NLGN1: variants seen among roughly 807,000 people sequenced by gnomAD.
NLGN1 encodes the protein neuroligin-1.
In NLGN1, 12 loss-of-function variants were observed where a neutral mutation model predicts 65.5. The ratio of observed to expected loss-of-function variants is 0.18; its 90% confidence interval spans 0.12 to 0.30. NLGN1 has a LOEUF of 0.30. NLGN1 is among the 10% of genes least tolerant of loss of function. The probability of loss-of-function intolerance (pLI) is 1.00; values close to 1 mark genes in which losing one functional copy is unlikely to be tolerated. For missense variants in NLGN1, 750 were observed against 1,007.1 expected (o/e 0.74, Z 3.46); for synonymous variants, 350 against 359.5 (o/e 0.97, Z 0.30).
intron 4 of NLGN1, among the ~76,000 whole-genome samples, chr3:174,047,851 A>G (rs1168931509): frequency 2.0e-5 from 3 of 152,074 alleles, no homozygotes; most frequent in East Asian, 1.9e-4. Context: ...GACAAAGTTA[A>G]TGGATGAAAT....
chr3:173,615,076 C>T (rs1024377885), intron 3 of NLGN1, among the ~76,000 whole-genome samples: 5 of 151,918 alleles, frequency 3.3e-5, no homozygotes, highest in African/African-American at 4.8e-5. Flanking sequence ...TGGCCACCTC[C>T]GCAGTTTAGC....
At chr3:174,191,712 A>T (rs559093284) in intron 4 of NLGN1, among the ~76,000 whole-genome samples, 3 of 152,160 alleles carry the variant, frequency 2.0e-5, no homozygotes, top group Non-Finnish European at 4.4e-5. Context: ...ACGAATTGGG[A>T]TCATTAAGAA....
chr3:173,620,378 T>G (rs1753798837), intron 3 of NLGN1, among the ~76,000 whole-genome samples: 1 of 152,138 alleles, frequency 6.6e-6, no homozygotes. Context: ...GACTCTAAGA[T>G]GTCTTACTGT....
At chr3:173,553,583 A>G (rs1460849552) in intron 2 of NLGN1, among the ~76,000 whole-genome samples, 3 of 152,238 alleles carry the variant, frequency 2.0e-5, no homozygotes, top group African/African-American at 4.8e-5. Context: ...GAAAGACTAC[A>G]GAAAAATGAC....
intron 3 of NLGN1, among the ~76,000 whole-genome samples, chr3:173,780,224 G>A (rs1174795839): frequency 1.3e-5 from 2 of 152,118 alleles, no homozygotes; most frequent in African/African-American, 4.8e-5. Flanking sequence ...ATCTACAGTT[G>A]CTACTGCTGT....
At chr3:173,896,431 C>T (rs1056255255) in intron 4 of NLGN1, among the ~76,000 whole-genome samples, 63 of 152,094 alleles carry the variant, frequency 4.1e-4, no homozygotes, top group Non-Finnish European at 1.2e-4. Context: ...CTCTGAGCAC[C>T]CTGTTGTGCA....
intron 4 of NLGN1, among the ~76,000 whole-genome samples, chr3:173,958,394 G>A (rs535776499): frequency 6.6e-6 from 1 of 152,168 alleles, no homozygotes; most frequent in South Asian, 2.1e-4. Flanking sequence ...GTATCCTGAT[G>A]AGTGTTCAGC....
In NLGN1 at chr3:174,071,193, T is replaced by G. The variant is rs187435679; in HGVS notation, c.647-204122T>G. Among the ~76,000 whole-genome samples, 63 of 152,316 alleles carry G rather than the reference T, an allele frequency of 4.1e-4. 1 individual carries two copies. The highest frequency in any genetic ancestry group is 1.4e-3 in the African/African-American group (59 of 41,574). ...ACAGGGAAGTGAGGCAGCTTTTAGT[T>G]TTTTGACACTTTAGCATTTATTCAG... On this transcript the variant is annotated intron_variant, in intron 4 of 6. Coordinates refer to ENST00000457714, the Ensembl canonical transcript of NLGN1.
At chr3:173,726,015 T>C (rs1222697560) in intron 3 of NLGN1, among the ~76,000 whole-genome samples, 1 of 152,086 alleles carries the variant, frequency 6.6e-6, no homozygotes, top group Non-Finnish European at 1.5e-5. Context: ...GCTGGAGTCT[T>C]ATGTAACATA....
chr3:173,917,559 AAAAC>A (rs1469767527), intron 4 of NLGN1, among the ~76,000 whole-genome samples: 1 of 152,230 alleles, frequency 6.6e-6, no homozygotes, highest in African/African-American at 2.4e-5. Context: ...AGATTTTACT[AAAAC>A]AAGAGAAAAG....
At chr3:173,445,918 T>C (rs1720181342) in intron 2 of NLGN1, among the ~76,000 whole-genome samples, 2 of 152,196 alleles carry the variant, frequency 1.3e-5, no homozygotes, top group South Asian at 4.1e-4. Flanking sequence ...TTTTCAAAAC[T>C]TCTCCACCTC....
At chr3:173,929,387 A>G (rs1743619845) in intron 4 of NLGN1, among the ~76,000 whole-genome samples, 1 of 152,026 alleles carries the variant, frequency 6.6e-6, no homozygotes, top group Admixed American at 6.6e-5. Context: ...TAACCAGCTA[A>G]GTTGTATGTT....
At chr3:173,658,004 G>GA (rs957360423) in intron 3 of NLGN1, among the ~76,000 whole-genome samples, 5 of 151,696 alleles carry the variant, frequency 3.3e-5, no homozygotes, top group African/African-American at 1.2e-4. Context: ...AGGGACTTGG[G>GA]AAAAAAATAG....
rs1735430588 is a variant in NLGN1, at chr3:174,053,765, A to G, written c.647-221550A>G. Among the ~76,000 whole-genome samples, 3 of 151,704 alleles carry G rather than the reference A, an allele frequency of 2.0e-5. No individual in the cohort carries two copies. The South Asian group carries it at 6.2e-4, about 31-fold the overall frequency. ...CCTTCTTTTACTGTTCAATTCATCC[A>G]TTTCATTTGCTACCTTTTCCTTGGG... On this transcript the variant is annotated intron_variant, in intron 4 of 6. Coordinates refer to ENST00000457714, the Ensembl canonical transcript of NLGN1.
chr3:174,187,959 T>A (rs534943808), intron 4 of NLGN1, among the ~76,000 whole-genome samples: 1 of 152,162 alleles, frequency 6.6e-6, no homozygotes, highest in Admixed American at 6.6e-5. Context: ...TAAGTACTCA[T>A]TACATGTTTA....
intron 4 of NLGN1, among the ~76,000 whole-genome samples, chr3:173,809,013 C>T (rs1434231127): frequency 6.6e-6 from 1 of 152,092 alleles, no homozygotes; most frequent in Non-Finnish European, 1.5e-5. Flanking sequence ...GGGAAGGAGA[C>T]ATTTTACCAA....
At chr3:173,470,216 T>A (rs1302601039) in intron 2 of NLGN1, among the ~76,000 whole-genome samples, 1 of 152,112 alleles carries the variant, frequency 6.6e-6, no homozygotes, top group African/African-American at 2.4e-5. Flanking sequence ...GCAAGGGCAT[T>A]CAGTGTGCAC....
chr3:173,728,559 C>T (rs925511371), intron 3 of NLGN1, among the ~76,000 whole-genome samples: 2 of 151,954 alleles, frequency 1.3e-5, no homozygotes, highest in Non-Finnish European at 2.9e-5. Context: ...CAAAATGTGA[C>T]CTTATTTGAA....
intron 1 of NLGN1, among the ~76,000 whole-genome samples, chr3:173,409,312 A>G (rs1426290796): frequency 1.3e-5 from 2 of 152,206 alleles, no homozygotes; most frequent in African/African-American, 2.4e-5. Context: ...GTTTATCTTT[A>G]TTAATTGAAA....
Sources: gnomAD v4.1 joint callset for allele counts (sites outside exome capture counted in the v4.1 genomes callset) on GRCh38, gnomAD v4.1.1 for gene constraint, MANE v1.5 for transcripts, NCBI Gene and HGNC (gene_info 2026-07-23, HGNC 2026-07-21) for gene names.